Variants in LIFR observed in about 807,000 individuals in gnomAD.
LIFR encodes LIF receptor subunit alpha.
Under a neutral mutation model 122.2 loss-of-function variants are expected in LIFR, and 84 were observed. The ratio of observed to expected loss-of-function variants is 0.69; its 90% confidence interval spans 0.58 to 0.82. LIFR has a LOEUF of 0.82. LIFR is among the 40% of genes least tolerant of loss of function. The probability of loss-of-function intolerance (pLI) is 0.00; values close to 1 mark genes in which losing one functional copy is unlikely to be tolerated. For missense variants in LIFR, 1,294 were observed against 1,311.6 expected (o/e 0.99, Z 0.21); for synonymous variants, 422 against 434.7 (o/e 0.97, Z 0.36).
intron 6 of LIFR, among the ~76,000 whole-genome samples, chr5:38,510,995 G>A (rs758451622): frequency 6.6e-6 from 1 of 151,294 alleles, no homozygotes; most frequent in Non-Finnish European, 1.5e-5. Context: ...CAGATTACAG[G>A]TCAGTGTCTA....
At chr5:38,530,905 A>T (rs2112572542) in intron 1 of LIFR, 1 of 446,940 alleles carries the variant, frequency 2.2e-6, no homozygotes, top group East Asian at 3.9e-5. Flanking sequence ...CAAGTTAAAG[A>T]TCATAACTAT....
rs185319427 is a variant in LIFR, at chr5:38,556,016, T to A, written c.-20+318A>T. On this transcript the variant is annotated intron_variant, in intron 1 of 19. Coordinates refer to ENST00000453190, the MANE Select transcript of LIFR (RefSeq NM_001127671.2). Reference sequence around the variant, plus strand: ...TGAAGCAGAGGGGCACGAAATCACCTGGCAGGTCACCTCTCCGAAGGAAAA... The same window carrying A: ...TGAAGCAGAGGGGCACGAAATCACCAGGCAGGTCACCTCTCCGAAGGAAAA... Among the ~76,000 whole-genome samples, 23 of 152,332 alleles carry A rather than the reference T, an allele frequency of 1.5e-4. No homozygotes were observed. In the East Asian group the frequency reaches 4.4e-3, roughly 29 times the overall value.
At chr5:38,526,031 G>C (rs909501506) in intron 4 of LIFR, among the ~76,000 whole-genome samples, 1 of 152,184 alleles carries the variant, frequency 6.6e-6, no homozygotes, top group Admixed American at 6.5e-5. Flanking sequence ...CAAGTACAAG[G>C]ATTTTAAAAA....
chr5:38,481,794 G>A lies in LIFR; in HGVS notation c.3095C>T (p.Ala1032Val), dbSNP rs772164575. 6.2e-7 allele frequency: 1 copy of A among 1,613,852 alleles called. No individual in the cohort carries two copies. Among genetic ancestry groups the A allele is most frequent in the Admixed American group, 1.7e-5 (1 of 59,980 alleles). Residue 1032 changes from alanine to valine, a missense_variant, in exon 20 of 20, where the codon GCC (alanine) becomes GTC (valine). Ala to Val is a moderately conservative substitution (Grantham distance 64). Transcript: ENST00000453190. ...LDKTAGYRPQ[A>V]NVNTWNLVSP... Reference sequence around the variant, plus strand: ...CACTAAATTCCATGTATTTACATTGGCCTGAGGTCTGTAACCCGCAGTTTT... The same window carrying A: ...CACTAAATTCCATGTATTTACATTGACCTGAGGTCTGTAACCCGCAGTTTT...
chr5:38,595,790 C>A (rs1179824357), upstream of LIFR, among the ~76,000 whole-genome samples: 1 of 140,356 alleles, frequency 7.1e-6, no homozygotes, highest in Non-Finnish European at 1.5e-5. Flanking sequence ...TGGAGTGCAG[C>A]GGCTCGATCT....
chr5:38,510,922 A>G (rs1442998372), intron 6 of LIFR, among the ~76,000 whole-genome samples: 1 of 149,064 alleles, frequency 6.7e-6, no homozygotes, highest in Admixed American at 6.6e-5. Flanking sequence ...ATATACGATA[A>G]ATTTTTTAAA....
intron 1 of LIFR, among the ~76,000 whole-genome samples, chr5:38,539,851 C>A (rs1328770746): frequency 6.6e-6 from 1 of 152,062 alleles, no homozygotes; most frequent in Non-Finnish European, 1.5e-5. Flanking sequence ...TATTTAAATA[C>A]TGTTTATTAA....
chr5:38,578,640 C>T (rs559249985), intron 1 of LIFR, among the ~76,000 whole-genome samples: 3 of 152,018 alleles, frequency 2.0e-5, no homozygotes, highest in African/African-American at 7.2e-5. Context: ...CAAACTCTGC[C>T]TCCCGGGTTC....
intron 1 of LIFR, among the ~76,000 whole-genome samples, chr5:38,574,254 A>G (rs1749311473): frequency 6.6e-6 from 1 of 152,000 alleles, no homozygotes; most frequent in Non-Finnish European, 1.5e-5. Flanking sequence ...TTCCTTACAC[A>G]TGCCAGGCTC....
At chr5:38,550,335 A>G (rs1274086982) in intron 1 of LIFR, 1 of 485,536 alleles carries the variant, frequency 2.1e-6, no homozygotes, top group Admixed American at 6.4e-5. Flanking sequence ...AATAAATGCT[A>G]GATTTTAAAG....
chr5:38,518,905 T>C (rs1000652602), intron 5 of LIFR, among the ~76,000 whole-genome samples: 3 of 152,194 alleles, frequency 2.0e-5, no homozygotes, highest in African/African-American at 7.2e-5. Flanking sequence ...ATCCTGGCCC[T>C]GCGTAGGCCT....
chr5:38,523,595 G>A lies in LIFR; in HGVS notation c.398-13C>T. 1.2e-6 allele frequency: 2 copies of A among 1,604,282 alleles called. No individual in the cohort carries two copies. The highest frequency in any genetic ancestry group is 1.7e-5 in the Admixed American group (1 of 59,874). ...TCTGGAATTAAGGCTTTAAAAAGAG[G>A]AAACAAAAGAGAAAACTTAGTAAAA... On this transcript the variant is annotated splice_polypyrimidine_tract_variant and intron_variant, in intron 4 of 19. Coordinates refer to ENST00000453190, the MANE Select transcript of LIFR (RefSeq NM_001127671.2).
rs1579986271 is a variant in LIFR, at chr5:38,478,643, A to C, written c.*2952T>G. On this transcript the variant is annotated 3_prime_UTR_variant, in exon 20 of 20. Coordinates refer to ENST00000453190, the MANE Select transcript of LIFR (RefSeq NM_001127671.2). Reference sequence around the variant, plus strand: ...ATTATTTAAAATGGTCACTCATAAAAGAAATGTAGTCATAATAAGCCCCAT... The same window carrying C: ...ATTATTTAAAATGGTCACTCATAAACGAAATGTAGTCATAATAAGCCCCAT... 1 of 193,998 alleles carries C rather than the reference A, an allele frequency of 5.2e-6. No individual in the cohort carries two copies. Among genetic ancestry groups the C allele is most frequent in the East Asian group, 8.1e-5 (1 of 12,374 alleles). 12.0% of individuals were successfully genotyped at this position (193,998 alleles called of 1,614,324 possible).
At position 38,572,760 on chromosome 5, in the gene LIFR, A is replaced by G. The variant is rs145338267; in HGVS notation, c.-20+22501T>C. Among the ~76,000 whole-genome samples, 315 of 152,316 alleles carry G rather than the reference A, an allele frequency of 2.1e-3. 1 individual carries two copies. The highest frequency in any genetic ancestry group is 6.8e-3 in the Middle Eastern group (2 of 294). ...GCTACCCCTTAATAGCACACCTACT[A>G]CATGCCAAGCACTTTGTGCAGCCTT... On this transcript the variant is annotated intron_variant, in intron 1 of 19. Coordinates refer to the LIFR transcript ENST00000263409.
chr5:38,492,124 A>C (rs1287869845), intron 14 of LIFR, among the ~76,000 whole-genome samples: 1 of 152,170 alleles, frequency 6.6e-6, no homozygotes, highest in Admixed American at 6.5e-5. Context: ...AAAAGACAAT[A>C]TTCCCAGCCT....
At chr5:38,607,532 C>G (rs1471493839) in intron 1 of LIFR, 1 of 151,994 alleles carries the variant, frequency 6.6e-6, no homozygotes, top group Non-Finnish European at 1.5e-5. Flanking sequence ...CTCTCTCTCT[C>G]TCTCTGTCAT....
At chr5:38,484,101 C>T (rs1428285528) in intron 18 of LIFR, among the ~76,000 whole-genome samples, 1 of 152,228 alleles carries the variant, frequency 6.6e-6, no homozygotes, top group Non-Finnish European at 1.5e-5. Context: ...AATTATCTGT[C>T]TGTAACATTC....
chr5:38,518,555 A>G (rs1285423559), intron 5 of LIFR, among the ~76,000 whole-genome samples: 1 of 152,186 alleles, frequency 6.6e-6, no homozygotes, highest in East Asian at 1.9e-4. Context: ...CGTATTACTC[A>G]TGTGTCTGTG....
intron 18 of LIFR, among the ~76,000 whole-genome samples, chr5:38,483,412 T>C (rs571492531): frequency 6.6e-6 from 1 of 152,164 alleles, no homozygotes; most frequent in Non-Finnish European, 1.5e-5. Context: ...CTTTAATAGT[T>C]GGGTTTTTTT....
Sources: gnomAD v4.1 joint callset for allele counts (sites outside exome capture counted in the v4.1 genomes callset) on GRCh38, gnomAD v4.1.1 for gene constraint, MANE v1.5 for transcripts, NCBI Gene and HGNC (gene_info 2026-07-23, HGNC 2026-07-21) for gene names.